The following NFKB1 variants were observed in gnomAD, a reference collection of about 807,000 sequenced individuals.
NFKB1 encodes the protein nuclear factor kappa B subunit 1.
NFKB1 carries 9 observed loss-of-function variants against 105.1 expected under a neutral mutation model. That is an observed-to-expected ratio of 0.09 (90% confidence interval 0.05 to 0.15). The LOEUF (loss-of-function observed/expected upper bound fraction) is 0.15, where lower values mean the gene tolerates loss of function less well. NFKB1 is among the 10% of genes least tolerant of loss of function. NFKB1 has a pLI of 1.00. For missense variants in NFKB1, 830 were observed against 1,203.7 expected (o/e 0.69, Z 4.59); for synonymous variants, 440 against 442.2 (o/e 1.00, Z 0.06).
intron 1 of NFKB1, among the ~76,000 whole-genome samples, chr4:102,514,327 C>G (rs1739985261): frequency 6.6e-6 from 1 of 152,084 alleles, no homozygotes; most frequent in African/African-American, 2.4e-5. Flanking sequence ...CCACCAAATT[C>G]AGGTGTTGAA....
chr4:102,603,472 G>A (rs11722146), intron 16 of NFKB1, among the ~76,000 whole-genome samples: 37,764 of 151,828 alleles, frequency 0.25, 5,860 homozygotes, highest in East Asian at 0.41. Flanking sequence ...CCCTGAAACC[G>A]CCACCATTGA....
At chr4:102,585,781 C>G (rs941071528) in intron 11 of NFKB1, among the ~76,000 whole-genome samples, 1 of 152,096 alleles carries the variant, frequency 6.6e-6, no homozygotes, top group Non-Finnish European at 1.5e-5. Context: ...ATTTGGCCCT[C>G]AGCATTTGGG....
chr4:102,598,449 G>A (rs1282673414), intron 15 of NFKB1, among the ~76,000 whole-genome samples: 1 of 152,174 alleles, frequency 6.6e-6, no homozygotes, highest in Non-Finnish European at 1.5e-5. Context: ...GAGCTCTTGA[G>A]TGCTGTGTTT....
At chr4:102,513,161 C>G (rs1285397510) in intron 1 of NFKB1, among the ~76,000 whole-genome samples, 1 of 152,138 alleles carries the variant, frequency 6.6e-6, no homozygotes, top group East Asian at 1.9e-4. Context: ...AGAACAAAGT[C>G]CAGTATGTCA....
intron 19 of NFKB1, 73 bp downstream of exon 19, chr4:102,607,824 C>T (rs1369422139): frequency 8.4e-6 from 11 of 1,302,980 alleles, no homozygotes; most frequent in African/African-American, 4.3e-5. Flanking sequence ...ATAGAGCAGT[C>T]ATGTTGCCTT....
chr4:102,545,961 G>T (rs1722107779), intron 5 of NFKB1, among the ~76,000 whole-genome samples: 1 of 152,046 alleles, frequency 6.6e-6, no homozygotes, highest in Admixed American at 6.6e-5. Flanking sequence ...TAATATTAAG[G>T]ATAAACCTCA....
chr4:102,541,541 T>C (rs1741998765), intron 5 of NFKB1, among the ~76,000 whole-genome samples: 1 of 152,142 alleles, frequency 6.6e-6, no homozygotes, highest in South Asian at 2.1e-4. Flanking sequence ...GGGAGTTCTA[T>C]TGACTGTTAT....
intron 1 of NFKB1, among the ~76,000 whole-genome samples, chr4:102,507,127 A>G (rs992539230): frequency 2.6e-5 from 4 of 151,556 alleles, no homozygotes; most frequent in Non-Finnish European, 5.9e-5. Context: ...GTTAACATCT[A>G]TAACAATTGC....
At chr4:102,502,341 C>CT (rs1241717212) in intron 1 of NFKB1, among the ~76,000 whole-genome samples, 1 of 151,024 alleles carries the variant, frequency 6.6e-6, no homozygotes, top group Non-Finnish European at 1.5e-5. Flanking sequence ...GGCTCGCTCT[C>CT]TGTCTCTCTC....
chr4:102,576,165 C>T (rs994131054), intron 6 of NFKB1, among the ~76,000 whole-genome samples: 5 of 152,076 alleles, frequency 3.3e-5, no homozygotes, highest in African/African-American at 1.2e-4. Flanking sequence ...AAAGATTCTC[C>T]ATCCCTGTTT....
At position 102,559,940 on chromosome 4, in the gene NFKB1, TA is replaced by T. The variant is rs373643720; in HGVS notation, c.259-7032del. ...ATGGCAGAGCAAGACCCTGTCCCTTTAAAAAAAAAAAAAAAGAAAGAAAGAA... is the reference window on the plus strand; with the variant it reads ...ATGGCAGAGCAAGACCCTGTCCCTTTAAAAAAAAAAAAAAGAAAGAAAGAA... On this transcript the variant is annotated intron_variant, in intron 5 of 23. Coordinates refer to ENST00000226574, the MANE Select transcript of NFKB1 (RefSeq NM_003998.4). 8.5e-3 allele frequency among the ~76,000 whole-genome samples: 1,114 copies of T among 130,578 alleles called. 2 individuals carry two copies. The highest frequency in any genetic ancestry group is 0.024 in the Middle Eastern group (6 of 252). 85.7% of individuals were successfully genotyped at this position (130,578 alleles called of 152,430 possible).
intron 3 of NFKB1, among the ~76,000 whole-genome samples, chr4:102,530,197 CCT>C (rs2149118840): frequency 6.6e-6 from 1 of 152,228 alleles, no homozygotes; most frequent in African/African-American, 2.4e-5. Flanking sequence ...TCTCTGTATT[CCT>C]TTTAAGTCCT....
rs146862629 is a variant in NFKB1, at chr4:102,616,574, C to A, written c.2890C>A (p.Pro964Thr). Residue 964 changes from proline (P) to threonine (T), a missense_variant, in exon 24 of 24, where the codon CCT becomes ACT. Coordinates refer to ENST00000226574, the MANE Select transcript of NFKB1 (RefSeq NM_003998.4). ...KMPHDYGQEGPLEGKI is the reference protein window; with the variant it reads ...KMPHDYGQEGTLEGKI ...GCCCCATGATTATGGGCAGGAAGGA[C>A]CTCTAGAAGGCAAAATTTAGCCTGC... 1 of 1,613,922 alleles carries A rather than the reference C, an allele frequency of 6.2e-7. No individual in the cohort carries two copies. The highest frequency in any genetic ancestry group is 1.3e-5 in the African/African-American group (1 of 74,894).
intron 11 of NFKB1, among the ~76,000 whole-genome samples, chr4:102,592,047 T>G (rs1055765696): frequency 6.6e-6 from 1 of 152,118 alleles, no homozygotes; most frequent in Admixed American, 6.5e-5. Flanking sequence ...GCAGATGTGG[T>G]GGAAATAGCA....
intron 5 of NFKB1, among the ~76,000 whole-genome samples, chr4:102,543,604 TAAAA>T (rs768927474): frequency 7.5e-6 from 1 of 133,316 alleles, no homozygotes; most frequent in East Asian, 2.2e-4. Flanking sequence ...ACTACTGATT[TAAAA>T]AAAAAAAAAA....
At chr4:102,515,114 T>TA (rs1201495048) in intron 1 of NFKB1, among the ~76,000 whole-genome samples, 1 of 130,948 alleles carries the variant, frequency 7.6e-6, no homozygotes, top group African/African-American at 2.8e-5. Flanking sequence ...ATTATTTTTT[T>TA]TTTTTTTTTT....
At chr4:102,596,117 A>T in intron 13 of NFKB1, 21 bp from the exon 14 acceptor site, 8 of 1,486,066 alleles carry the variant, frequency 5.4e-6, no homozygotes, top group Non-Finnish European at 7.3e-6. Context: ...GAAAAATCTG[A>T]TGTTTTTGCA....
At chr4:102,537,780 A>C (rs1741740994) in intron 4 of NFKB1, 78 bp from the exon 5 acceptor site, 1 of 798,452 alleles carries the variant, frequency 1.3e-6, no homozygotes, top group Non-Finnish European at 2.1e-6. Flanking sequence ...AAGATTTAAA[A>C]ATTTGTATGT....
intron 9 of NFKB1, among the ~76,000 whole-genome samples, chr4:102,581,494 A>G (rs1027111041): frequency 2.6e-5 from 4 of 152,122 alleles, no homozygotes; most frequent in African/African-American, 9.7e-5. Context: ...TACTTTATCC[A>G]AAAAAATTTA....
Sources: gnomAD v4.1 joint callset for allele counts (sites outside exome capture counted in the v4.1 genomes callset) on GRCh38, gnomAD v4.1.1 for gene constraint, MANE v1.5 for transcripts, NCBI Gene and HGNC (gene_info 2026-07-23, HGNC 2026-07-21) for gene names.